Variants in NAA11 observed in about 807,000 individuals in gnomAD.
The protein encoded by NAA11 is N-alpha-acetyltransferase 11, NatA catalytic subunit, also known as N-alpha-acetyltransferase 11.
NAA11 carries 15 observed loss-of-function variants against 16.1 expected under a neutral mutation model. The ratio of observed to expected loss-of-function variants is 0.93; its 90% CI spans 0.62 to 1.44. The LOEUF (loss-of-function observed/expected upper bound fraction) is 1.44, where lower values mean the gene tolerates loss of function less well. NAA11 is among the 40% of genes most tolerant of loss of function. The pLI, the probability that NAA11 is intolerant of heterozygous loss-of-function variation, is 0.00. For synonymous variants in NAA11, 122 were observed against 112.4 expected (o/e 1.09, Z -0.54); for missense variants, 298 against 291.3 (o/e 1.02, Z -0.17).
chr4:79,279,891 G>T (rs1432175745), intron 2 of NAA11, among the ~76,000 whole-genome samples: 1 of 152,008 alleles, frequency 6.6e-6, no homozygotes, highest in African/African-American at 2.4e-5. Context: ...AAATGGGAGA[G>T]GATGGGGGTG....
the NAA11 span, among the ~76,000 whole-genome samples, chr4:79,176,705 A>G: frequency 1.3e-5 from 2 of 152,200 alleles, no homozygotes; most frequent in African/African-American, 4.8e-5. Flanking sequence ...AAACTGACAC[A>G]TAGAATTATC....
At chr4:79,196,979 A>AAAAAAAAAAAAAAAAAAAAAAAG in the NAA11 span, among the ~76,000 whole-genome samples, 20 of 125,546 alleles carry the variant, frequency 1.6e-4, no homozygotes, top group African/African-American at 2.4e-4. Flanking sequence ...AAAAAAAAAA[A>AAAAAAAAAAAAAAAAAAAAAAAG]AAAGAAAGAA....
chr4:79,183,834 G>A, the NAA11 span, among the ~76,000 whole-genome samples: 15 of 152,008 alleles, frequency 9.9e-5, no homozygotes, highest in Non-Finnish European at 1.6e-4. Context: ...AGGATTCTAA[G>A]GATGTTTTAA....
At chr4:79,311,112 T>G (rs1723756892) in intron 1 of NAA11, among the ~76,000 whole-genome samples, 1 of 152,172 alleles carries the variant, frequency 6.6e-6, no homozygotes, top group South Asian at 2.1e-4. Context: ...TTCAAAAGCT[T>G]TACATTCTAA....
chr4:79,314,641 T>TAAAAAAA (rs375245497), downstream of NAA11, among the ~76,000 whole-genome samples: 232 of 97,700 alleles, frequency 2.4e-3, 5 homozygotes, highest in East Asian at 4.8e-3. Context: ...TCCTTAAAAT[T>TAAAAAAA]AAAAAAAAAA....
intron 2 of NAA11, among the ~76,000 whole-genome samples, chr4:79,240,539 C>G (rs1191641049): frequency 2.6e-5 from 4 of 152,192 alleles, no homozygotes; most frequent in East Asian, 1.9e-4. Context: ...GCTTCCTGTC[C>G]TGCAACTTTG....
the NAA11 span, among the ~76,000 whole-genome samples, chr4:79,173,490 A>G: frequency 1.3e-5 from 2 of 152,156 alleles, no homozygotes; most frequent in Non-Finnish European, 2.9e-5. Context: ...TACCTGGTAT[A>G]TACTAGATGT....
At chr4:79,321,983 G>C (rs1019065436) in intron 1 of NAA11, among the ~76,000 whole-genome samples, 3 of 152,150 alleles carry the variant, frequency 2.0e-5, no homozygotes, top group Non-Finnish European at 4.4e-5. Flanking sequence ...ATGATACCAT[G>C]GAGTAGGGTC....
At chr4:79,167,669 A>G in the NAA11 span, among the ~76,000 whole-genome samples, 1 of 152,050 alleles carries the variant, frequency 6.6e-6, no homozygotes, top group African/African-American at 2.4e-5. Flanking sequence ...GTAAGTTATC[A>G]AGAAAAGAGG....
At chr4:79,193,009 G>A in the NAA11 span, among the ~76,000 whole-genome samples, 1 of 151,966 alleles carries the variant, frequency 6.6e-6, no homozygotes, top group African/African-American at 2.4e-5. Flanking sequence ...TGTGTCTTTT[G>A]GCTGCATAAA....
the NAA11 span, among the ~76,000 whole-genome samples, chr4:79,183,983 A>G: frequency 6.6e-6 from 1 of 152,208 alleles, no homozygotes; most frequent in Non-Finnish European, 1.5e-5. Context: ...TTTACTTGGA[A>G]GAAACCAAAA....
the NAA11 span, among the ~76,000 whole-genome samples, chr4:79,167,148 A>ATATATATATATATATATC: frequency 1.4e-5 from 1 of 69,992 alleles, no homozygotes; most frequent in Non-Finnish European, 2.9e-5. Context: ...ATATATATAT[A>ATATATATATATATATATC]TATATATGTA....
At chr4:79,322,486 G>A (rs1277487481) in intron 1 of NAA11, among the ~76,000 whole-genome samples, 5 of 87,752 alleles carry the variant, frequency 5.7e-5, no homozygotes, top group African/African-American at 9.5e-5. Flanking sequence ...CAGTTTTATA[G>A]GTGTGTGTGT....
intron 2 of NAA11, among the ~76,000 whole-genome samples, chr4:79,235,588 C>T (rs1721553526): frequency 6.6e-6 from 1 of 152,106 alleles, no homozygotes; most frequent in Non-Finnish European, 1.5e-5. Flanking sequence ...TAAATGTGAA[C>T]TTAATGTAGT....
At chr4:79,243,611 G>A (rs180714291) in intron 2 of NAA11, among the ~76,000 whole-genome samples, 1 of 152,312 alleles carries the variant, frequency 6.6e-6, no homozygotes, top group East Asian at 1.9e-4. Flanking sequence ...TGTGTTAGCA[G>A]TTGAAGAGAT....
intron 1 of NAA11, among the ~76,000 whole-genome samples, chr4:79,301,069 T>C (rs561536616): frequency 2.1e-3 from 319 of 152,332 alleles, no homozygotes; most frequent in Non-Finnish European, 3.7e-3. Flanking sequence ...ATTAGCAAAC[T>C]GATCTATGCA....
intron 2 of NAA11, among the ~76,000 whole-genome samples, chr4:79,249,706 A>T (rs1721950226): frequency 6.6e-6 from 1 of 152,236 alleles, no homozygotes; most frequent in African/African-American, 2.4e-5. Flanking sequence ...ATCGCCATGA[A>T]AATTCCCCAA....
the NAA11 span, among the ~76,000 whole-genome samples, chr4:79,155,991 C>G: frequency 6.6e-6 from 1 of 152,180 alleles, no homozygotes; most frequent in Non-Finnish European, 1.5e-5. Flanking sequence ...AGCATTATTT[C>G]TGTAGTCATT....
chr4:79,233,320 C>A (rs1721505085), intron 2 of NAA11, among the ~76,000 whole-genome samples: 1 of 151,942 alleles, frequency 6.6e-6, no homozygotes, highest in Admixed American at 6.6e-5. Context: ...CCTCCAAAAT[C>A]ACCTCTACTA....
Sources: allele counts gnomAD v4.1 joint callset (sites outside exome capture counted in the v4.1 genomes callset), GRCh38; gene constraint gnomAD v4.1.1; transcripts MANE v1.5; gene names NCBI Gene and HGNC (gene_info 2026-07-23, HGNC 2026-07-21).